Variants in HMBOX1 observed in about 807,000 individuals in gnomAD.
HMBOX1 encodes the protein homeobox containing 1, also known as homeobox-containing protein 1.
HMBOX1 carries 14 observed loss-of-function variants against 54.5 expected under a neutral mutation model. That is an observed-to-expected ratio of 0.26 (90% confidence interval 0.17 to 0.40). HMBOX1 has a LOEUF of 0.40. Among genes scored for constraint, HMBOX1 ranks in the 10% least tolerant of loss-of-function variants. The probability of loss-of-function intolerance (pLI) is 1.00; values close to 1 mark genes in which losing one functional copy is unlikely to be tolerated. For synonymous variants in HMBOX1, 160 were observed against 181.0 expected (o/e 0.88, Z 0.93); for missense variants, 332 against 514.4 (o/e 0.65, Z 3.43).
At chr8:28,927,411 G>T (rs1818715919) in intron 1 of HMBOX1, among the ~76,000 whole-genome samples, 1 of 152,134 alleles carries the variant, frequency 6.6e-6, no homozygotes, top group South Asian at 2.1e-4. Flanking sequence ...GGTTCTGCAG[G>T]CTATACAAGA....
At chr8:28,925,008 G>A (rs1818203745) in intron 1 of HMBOX1, among the ~76,000 whole-genome samples, 1 of 147,004 alleles carries the variant, frequency 6.8e-6, no homozygotes, top group African/African-American at 2.6e-5. Context: ...TTTCCTATTA[G>A]TGATTTTTTT....
At chr8:28,997,443 C>T (rs191552397) in intron 4 of HMBOX1, among the ~76,000 whole-genome samples, 24 of 152,228 alleles carry the variant, frequency 1.6e-4, no homozygotes, top group East Asian at 3.9e-4. Flanking sequence ...TGAGATGAAT[C>T]CCACCTGGTC....
intron 1 of HMBOX1, among the ~76,000 whole-genome samples, chr8:28,912,954 C>T (rs772428973): frequency 1.1e-4 from 17 of 152,162 alleles, no homozygotes; most frequent in African/African-American, 2.9e-4. Flanking sequence ...ATGACACCAA[C>T]GATCAAACAC....
chr8:28,896,934 A>G (rs1812230150), intron 1 of HMBOX1, among the ~76,000 whole-genome samples: 1 of 150,452 alleles, frequency 6.6e-6, no homozygotes, highest in South Asian at 2.1e-4. Context: ...CATTGCAAAC[A>G]TACCAATTTT....
At chr8:29,037,808 T>C (rs1804149549) in intron 6 of HMBOX1, among the ~76,000 whole-genome samples, 1 of 152,138 alleles carries the variant, frequency 6.6e-6, no homozygotes, top group Admixed American at 6.5e-5. Flanking sequence ...GGACTTAGGT[T>C]CTAAGTATGT....
intron 1 of HMBOX1, among the ~76,000 whole-genome samples, chr8:28,940,349 CA>C (rs1332172410): frequency 2.0e-5 from 3 of 152,316 alleles, no homozygotes; most frequent in Admixed American, 2.0e-4. Flanking sequence ...TGAGCTTTAT[CA>C]TTAGTTCCTA....
At chr8:29,029,458 CA>C (rs1319099474) in intron 6 of HMBOX1, among the ~76,000 whole-genome samples, 12 of 152,198 alleles carry the variant, frequency 7.9e-5, no homozygotes, top group African/African-American at 2.9e-4. Flanking sequence ...TCTTGTTGTA[CA>C]AAAAAATATA....
chr8:29,024,159 A>G (rs998239489), intron 6 of HMBOX1, among the ~76,000 whole-genome samples: 10 of 152,160 alleles, frequency 6.6e-5, no homozygotes, highest in Non-Finnish European at 1.0e-4. Context: ...GCAGGGAGGG[A>G]GCTAACATGT....
chr8:28,893,315 A>G (rs1811409029), intron 1 of HMBOX1, among the ~76,000 whole-genome samples: 1 of 152,240 alleles, frequency 6.6e-6, no homozygotes. Context: ...TTACAAATAA[A>G]GTAGAAAACC....
intron 5 of HMBOX1, chr8:29,009,725 G>C (rs950339728): frequency 4.8e-5 from 62 of 1,287,032 alleles, no homozygotes; most frequent in Non-Finnish European, 6.2e-5. Flanking sequence ...GCAGTAGATT[G>C]GGAAAGCAGA....
At chr8:28,995,405 A>G (rs1831660347) in intron 4 of HMBOX1, among the ~76,000 whole-genome samples, 1 of 152,204 alleles carries the variant, frequency 6.6e-6, no homozygotes, top group Non-Finnish European at 1.5e-5. Context: ...ATATTTATTC[A>G]TCAGTTGGTG....
At chr8:28,899,490 A>C (rs897926836) in intron 1 of HMBOX1, among the ~76,000 whole-genome samples, 8 of 152,214 alleles carry the variant, frequency 5.3e-5, no homozygotes, top group African/African-American at 1.4e-4. Flanking sequence ...CCTGACAAGA[A>C]AATTTGTGCC....
At chr8:28,988,290 C>T (rs1312542092) in intron 4 of HMBOX1, among the ~76,000 whole-genome samples, 1 of 152,146 alleles carries the variant, frequency 6.6e-6, no homozygotes, top group African/African-American at 2.4e-5. Context: ...AATACTAATC[C>T]ATTGAATGGA....
chr8:29,010,689 T>G (rs900758496), intron 5 of HMBOX1, among the ~76,000 whole-genome samples: 1 of 152,054 alleles, frequency 6.6e-6, no homozygotes, highest in Non-Finnish European at 1.5e-5. Flanking sequence ...ACCACAGTCC[T>G]CATTATTATA....
chr8:28,922,921 C>G (rs1817791316), intron 1 of HMBOX1, among the ~76,000 whole-genome samples: 1 of 152,104 alleles, frequency 6.6e-6, no homozygotes, highest in Non-Finnish European at 1.5e-5. Context: ...CTTTACACAT[C>G]AAGTAATACT....
chr8:28,968,773 A>C (rs1826883988), intron 2 of HMBOX1, among the ~76,000 whole-genome samples: 1 of 152,236 alleles, frequency 6.6e-6, no homozygotes, highest in Non-Finnish European at 1.5e-5. Flanking sequence ...ACTTATTGAG[A>C]GCCTACTGCA....
intron 8 of HMBOX1, 64 bp downstream of exon 8, chr8:29,047,517 GATT>G (rs1170740844): frequency 6.6e-5 from 50 of 758,992 alleles, no homozygotes; most frequent in Non-Finnish European, 1.1e-4. Context: ...TTTATATTAA[GATT>G]AACTTCAGTT....
intron 6 of HMBOX1, among the ~76,000 whole-genome samples, chr8:29,024,032 G>A (rs762280974): frequency 1.3e-5 from 2 of 152,160 alleles, no homozygotes; most frequent in Non-Finnish European, 2.9e-5. Context: ...GGAGTCACAA[G>A]TTGTTGTATT....
intron 4 of HMBOX1, among the ~76,000 whole-genome samples, chr8:28,997,782 C>T (rs1832088231): frequency 6.6e-6 from 1 of 152,130 alleles, no homozygotes; most frequent in Non-Finnish European, 1.5e-5. Context: ...AACTCCTAGC[C>T]TCAAGTGATC....
Sources: gnomAD v4.1 joint callset for allele counts (sites outside exome capture counted in the v4.1 genomes callset) on GRCh38, gnomAD v4.1.1 for gene constraint, MANE v1.5 for transcripts, NCBI Gene and HGNC (gene_info 2026-07-23, HGNC 2026-07-21) for gene names.